The following ERICH3 variants were observed in gnomAD, a reference collection of about 807,000 sequenced individuals.
The protein encoded by ERICH3 is glutamate rich 3, also known as glutamate-rich protein 3.
A neutral mutation model predicts 131.1 loss-of-function variants in ERICH3; 126 were observed. The observed-to-expected ratio is 0.96, with a 90% CI of 0.83 to 1.11. The LOEUF (loss-of-function observed/expected upper bound fraction) is 1.11, where lower values mean the gene tolerates loss of function less well. Ranked by LOEUF, ERICH3 falls within the 50% of genes most tolerant of loss-of-function variation. ERICH3 has a pLI of 0.00. For synonymous variants in ERICH3, 695 were observed against 644.6 expected (o/e 1.08, Z -1.18); for missense variants, 2,050 against 1,810.7 (o/e 1.13, Z -2.40).
intron 12 of ERICH3, chr1:74,579,682 C>G: frequency 2.0e-6 from 2 of 985,354 alleles, no homozygotes; most frequent in Non-Finnish European, 2.4e-6. Flanking sequence ...GGTGTCTAAC[C>G]TCAACTGTTT....
rs779546177 is a variant in ERICH3, at chr1:74,631,899, G to A, written c.633C>T (p.Asn211=). ...GGKKAVMKFR[N]SIGNSQRMNS... ...TCATTCTCTGTGAATTGCCTATGGA[G>A]TTCCTGAACTTCATCACTGCCTTCT... Residue 211 remains asparagine (N), a synonymous_variant, in exon 7 of 15, where the codon AAC becomes AAT. Coordinates refer to ENST00000326665, the MANE Select transcript of ERICH3 (RefSeq NM_001002912.5). The A allele has an allele frequency of 6.2e-7, 1 of 1,612,972 alleles. No homozygotes were observed. Among genetic ancestry groups the A allele is most frequent in the East Asian group, 2.2e-5 (1 of 44,824 alleles).
intron 2 of ERICH3, among the ~76,000 whole-genome samples, 180 bp from the exon 3 acceptor site, chr1:74,646,972 A>G (rs932721078): frequency 6.7e-5 from 10 of 150,192 alleles, no homozygotes; most frequent in South Asian, 2.1e-4. Flanking sequence ...GAGAGAGAAA[A>G]AAAAAAAAAA....
At chr1:74,582,819 A>T (rs1647202168) in intron 12 of ERICH3, among the ~76,000 whole-genome samples, 1 of 152,152 alleles carries the variant, frequency 6.6e-6, no homozygotes, top group South Asian at 2.1e-4. Flanking sequence ...TTTTTCAGGT[A>T]TTTTTTACCA....
At chr1:74,595,061 T>C (rs1392699305) in intron 11 of ERICH3, among the ~76,000 whole-genome samples, 1 of 152,124 alleles carries the variant, frequency 6.6e-6, no homozygotes, top group Non-Finnish European at 1.5e-5. Flanking sequence ...TTCCTATTCC[T>C]TAGTCCAAGA....
intron 1 of ERICH3, 53 bp from the exon 2 acceptor site, chr1:74,649,368 C>A: frequency 4.3e-6 from 6 of 1,381,238 alleles, no homozygotes; most frequent in Non-Finnish European, 6.1e-6. Flanking sequence ...GTTTGATAAC[C>A]AAGGCAATTC....
intron 7 of ERICH3, chr1:74,625,444 C>T (rs748424776): frequency 6.6e-6 from 1 of 152,108 alleles, no homozygotes; most frequent in Non-Finnish European, 1.5e-5. Context: ...TATCTGCTAA[C>T]TTCCTACTGA....
At chr1:74,586,448 G>A in intron 12 of ERICH3, 1 of 984,580 alleles carries the variant, frequency 1.0e-6, no homozygotes. Context: ...TGGAGAAAAA[G>A]AGTAAAGGTT....
chr1:74,575,616 C>G (rs17095632), intron 13 of ERICH3, among the ~76,000 whole-genome samples: 1,760 of 152,276 alleles, frequency 0.012, 31 homozygotes, highest in African/African-American at 0.04. Flanking sequence ...TGTTGCTATT[C>G]AAATTCCTGC....
chr1:74,671,116 G>A (rs1646738746), intron 1 of ERICH3, among the ~76,000 whole-genome samples: 1 of 152,078 alleles, frequency 6.6e-6, no homozygotes, highest in African/African-American at 2.4e-5. Flanking sequence ...GACAATATGT[G>A]CACCACTGAA....
In ERICH3 at chr1:74,569,015, A is replaced by AT. The variant is rs750647967; in HGVS notation, c.*1442dup. The AT allele has an allele frequency of 1.3e-5, 2 of 152,144 alleles. No individual in the cohort carries two copies. The highest frequency in any genetic ancestry group is 2.9e-5 in the Non-Finnish European group (2 of 68,024). The allele number at this position is 152,144 out of a possible 1,614,324, so 9.4% of individuals were successfully genotyped here. A position where few individuals can be genotyped will look rare whatever the true frequency, so the allele number is the denominator to read the frequency against. On this transcript the variant is annotated 3_prime_UTR_variant, in exon 15 of 15. Coordinates refer to ENST00000326665, the MANE Select transcript of ERICH3 (RefSeq NM_001002912.5). ...ACCAGTCTACTATCTGGTCCAGTGT[A>AT]TTTTTGATCATTGAATGGCTCCATT...
chr1:74,623,924 T>A (rs1649322289), intron 7 of ERICH3: 1 of 152,166 alleles, frequency 6.6e-6, no homozygotes, highest in South Asian at 2.1e-4. Context: ...CTACTTTTAA[T>A]CTCCAGGCCT....
chr1:74,641,213 T>C, intron 5 of ERICH3, 118 bp downstream of exon 5: 1 of 1,164,942 alleles, frequency 8.6e-7, no homozygotes, highest in Non-Finnish European at 1.2e-6. Context: ...TATATTTTCA[T>C]TCAGTAGGAC....
intron 13 of ERICH3, 125 bp from the exon 14 acceptor site, chr1:74,573,616 G>A (rs1377277336): frequency 1.8e-6 from 2 of 1,138,464 alleles, no homozygotes; most frequent in Non-Finnish European, 2.3e-6. Context: ...AGAGGCCATT[G>A]TATTATATAT....
intron 1 of ERICH3, among the ~76,000 whole-genome samples, chr1:74,657,059 T>C (rs1646591658): frequency 6.6e-6 from 1 of 152,212 alleles, no homozygotes; most frequent in South Asian, 2.1e-4. Context: ...CCTTGACATA[T>C]ATCCTTTTTT....
chr1:74,587,896 T>TG (rs1647408396), intron 12 of ERICH3, among the ~76,000 whole-genome samples: 1 of 152,232 alleles, frequency 6.6e-6, no homozygotes. Context: ...AAAATCCTTT[T>TG]GAAGATGTTC....
At chr1:74,639,723 G>C (rs1307959289) in intron 5 of ERICH3, among the ~76,000 whole-genome samples, 1 of 152,042 alleles carries the variant, frequency 6.6e-6, no homozygotes, top group Non-Finnish European at 1.5e-5. Flanking sequence ...CTAAAAATCT[G>C]TATACTATTT....
rs774190248 is a variant in ERICH3 at position 74,571,753 on chromosome 1, G to A, written c.3957C>T (p.Asp1319=). 7.4e-6 allele frequency: 12 copies of A among 1,613,736 alleles called. No homozygotes were observed. The South Asian group carries it at 1.3e-4, about 18-fold the overall frequency. The part of the protein sequence containing the change: ...MQDRNSEGDG[D]MEGEGNTQKN... ...TTTGTGTGTTTCCTTCTCCTTCCAT[G>A]TCCCCGTCCCCTTCCGAGTTCCTGT... Residue 1319 remains aspartate, a synonymous_variant, in exon 14 of 15, where the codon GAC becomes GAT. Transcript: ENST00000326665.
intron 12 of ERICH3, chr1:74,579,364 A>G (rs1224457682): frequency 2.0e-6 from 2 of 981,158 alleles, no homozygotes; most frequent in African/African-American, 3.5e-5. Context: ...TACTATAAGA[A>G]GCCAAACAAT....
chr1:74,665,037 T>C (rs1646676372), intron 1 of ERICH3, among the ~76,000 whole-genome samples: 1 of 152,104 alleles, frequency 6.6e-6, no homozygotes, highest in Non-Finnish European at 1.5e-5. Context: ...CACAATGTTA[T>C]TGTATTAGGA....
Sources: allele counts gnomAD v4.1 joint callset (sites outside exome capture counted in the v4.1 genomes callset), GRCh38; gene constraint gnomAD v4.1.1; transcripts MANE v1.5; gene names NCBI Gene and HGNC (gene_info 2026-07-23, HGNC 2026-07-21).